WDFY3: variants seen among roughly 807,000 people sequenced by gnomAD.
WDFY3 encodes the protein WD repeat and FYVE domain-containing protein 3.
A neutral mutation model predicts 409.6 loss-of-function variants in WDFY3; 66 were observed. The observed-to-expected ratio is 0.16, with a 90% CI of 0.13 to 0.20. The LOEUF is 0.20. WDFY3 is among the 10% of genes least tolerant of loss of function. The probability of loss-of-function intolerance (pLI) is 1.00; values close to 1 mark genes in which losing one functional copy is unlikely to be tolerated. For missense variants in WDFY3, 3,031 were observed against 4,298.1 expected (o/e 0.71, Z 8.24); for synonymous variants, 1,521 against 1,537.1 (o/e 0.99, Z 0.25).
At chr4:84,883,398 C>T (rs960923762) in intron 3 of WDFY3, among the ~76,000 whole-genome samples, 276 of 152,276 alleles carry the variant, frequency 1.8e-3, no homozygotes, top group African/African-American at 6.4e-3. Context: ...GTGAATAATT[C>T]TCCAAGTGTA....
At chr4:84,818,158 ATATAGAG>A (rs1169928928) in intron 12 of WDFY3, among the ~76,000 whole-genome samples, 1 of 152,152 alleles carries the variant, frequency 6.6e-6, no homozygotes, top group Non-Finnish European at 1.5e-5. Context: ...ATCCCCTACC[ATATAGAG>A]GTAAGGCGGT....
intron 38 of WDFY3, among the ~76,000 whole-genome samples, 174 bp downstream of exon 38, chr4:84,741,587 C>T (rs2149230920): frequency 6.6e-6 from 1 of 152,200 alleles, no homozygotes; most frequent in Middle Eastern, 3.4e-3. Context: ...AGTGCTGATA[C>T]TACAGGTGTG....
At chr4:84,905,788 C>A (rs1766967407) in intron 2 of WDFY3, among the ~76,000 whole-genome samples, 1 of 152,128 alleles carries the variant, frequency 6.6e-6, no homozygotes, top group Admixed American at 6.5e-5. Flanking sequence ...TCCACTCTCC[C>A]CCAGACATCT....
intron 1 of WDFY3, among the ~76,000 whole-genome samples, chr4:84,941,189 C>G (rs1009992101): frequency 2.6e-5 from 4 of 151,854 alleles, no homozygotes; most frequent in African/African-American, 9.7e-5. Context: ...TGTCTTTATT[C>G]CAGGCAGCAT....
intron 3 of WDFY3, among the ~76,000 whole-genome samples, chr4:84,895,203 G>A (rs571092169): frequency 1.3e-5 from 2 of 152,286 alleles, no homozygotes; most frequent in Admixed American, 1.3e-4. Context: ...TACTCTGCTA[G>A]TAACTAGTGA....
intron 2 of WDFY3, among the ~76,000 whole-genome samples, chr4:84,911,824 T>C (rs1449515046): frequency 1.3e-5 from 2 of 152,168 alleles, no homozygotes; most frequent in African/African-American, 2.4e-5. Context: ...GTATCAAGAC[T>C]TACACATGCA....
intron 2 of WDFY3, among the ~76,000 whole-genome samples, chr4:84,913,155 T>C (rs1236631914): frequency 6.6e-6 from 1 of 152,084 alleles, no homozygotes; most frequent in Non-Finnish European, 1.5e-5. Context: ...ACACAACATC[T>C]CTAACTCAGC....
chr4:84,855,267 T>C (rs1167994652), intron 4 of WDFY3, among the ~76,000 whole-genome samples: 1 of 152,186 alleles, frequency 6.6e-6, no homozygotes, highest in African/African-American at 2.4e-5. Context: ...AATTTAAAAC[T>C]ACATCTATCT....
At position 84,733,559 on chromosome 4, in the gene WDFY3, C is replaced by T. The variant is rs200162555; in HGVS notation, c.7044G>A (p.Glu2348=). The change falls in exon 44 of 68, where the codon GAG becomes GAA. Residue 2348 remains glutamate (E), a synonymous_variant. Coordinates refer to ENST00000295888, the MANE Select transcript of WDFY3 (RefSeq NM_014991.6). ...GCCCCCGCTCCCTCAACAGCTCGCA[C>T]TCGATCTGACACCACTCTTCTGTCA... ...KYVTEEWCQI[E]CELLRERGLW... The T allele has an allele frequency of 6.2e-6, 10 of 1,614,060 alleles. No homozygotes were observed. The highest frequency in any genetic ancestry group is 8.5e-6 in the Non-Finnish European group (10 of 1,180,032).
chr4:84,795,703 A>G (rs534482661), intron 19 of WDFY3, among the ~76,000 whole-genome samples: 1 of 151,880 alleles, frequency 6.6e-6, no homozygotes, highest in East Asian at 2.0e-4. Flanking sequence ...CGGAGGTTGC[A>G]GTGAGCCAAG....
intron 12 of WDFY3, among the ~76,000 whole-genome samples, chr4:84,818,888 G>C (rs1753688915): frequency 6.6e-6 from 1 of 152,032 alleles, no homozygotes; most frequent in African/African-American, 2.4e-5. Context: ...CTCTCCAATT[G>C]TCCAATCTCT....
chr4:84,732,168 CTT>C (rs1452400873), intron 44 of WDFY3, among the ~76,000 whole-genome samples: 1 of 152,108 alleles, frequency 6.6e-6, no homozygotes, highest in Non-Finnish European at 1.5e-5. Context: ...AATTGAATAG[CTT>C]TGAGAAAAGT....
At chr4:84,928,180 G>C (rs985838030) in intron 2 of WDFY3, among the ~76,000 whole-genome samples, 1 of 152,176 alleles carries the variant, frequency 6.6e-6, no homozygotes, top group Non-Finnish European at 1.5e-5. Flanking sequence ...GCCCTTCATC[G>C]TCTGTCCCTG....
chr4:84,896,346 G>A (rs149823592), intron 3 of WDFY3, among the ~76,000 whole-genome samples: 96 of 152,098 alleles, frequency 6.3e-4, no homozygotes, highest in Non-Finnish European at 9.4e-4. Flanking sequence ...AAAATCAGAT[G>A]TATGCCCCTA....
chr4:84,782,529 C>G (rs1746716698), intron 25 of WDFY3, among the ~76,000 whole-genome samples: 1 of 152,124 alleles, frequency 6.6e-6, no homozygotes, highest in Admixed American at 6.6e-5. Context: ...TGATGCTCTC[C>G]CTCCCCTTGG....
intron 21 of WDFY3, among the ~76,000 whole-genome samples, chr4:84,791,841 C>T (rs1170263268): frequency 6.6e-6 from 1 of 152,102 alleles, no homozygotes; most frequent in East Asian, 1.9e-4. Flanking sequence ...CAATCTGGCT[C>T]CTTTTTGCTA....
chr4:84,917,348 C>A (rs1020672006), intron 2 of WDFY3, among the ~76,000 whole-genome samples: 1 of 152,076 alleles, frequency 6.6e-6, no homozygotes, highest in African/African-American at 2.4e-5. Context: ...TTCCTCTTTA[C>A]AAGGATAATT....
chr4:84,963,025 A>G (rs2151220507), intron 1 of WDFY3, among the ~76,000 whole-genome samples: 1 of 151,834 alleles, frequency 6.6e-6, no homozygotes, highest in Non-Finnish European at 1.5e-5. Context: ...ACACACACCA[A>G]GGGGGAACTG....
intron 32 of WDFY3, among the ~76,000 whole-genome samples, chr4:84,758,724 T>C (rs145556602): frequency 0.014 from 2,116 of 152,222 alleles, 53 homozygotes; most frequent in African/African-American, 0.048. Context: ...TTCTAATTAA[T>C]AAAAAAATTA....
Sources: allele counts gnomAD v4.1 joint callset (sites outside exome capture counted in the v4.1 genomes callset), GRCh38; gene constraint gnomAD v4.1.1; transcripts MANE v1.5; gene names NCBI Gene and HGNC (gene_info 2026-07-23, HGNC 2026-07-21).